PPARD: variants seen among roughly 807,000 people sequenced by gnomAD.
The protein encoded by PPARD is peroxisome proliferator-activated receptor delta.
A neutral mutation model predicts 39.5 loss-of-function variants in PPARD; 6 were observed. That is an observed-to-expected ratio of 0.15 (90% CI 0.08 to 0.30). The LOEUF is 0.30. Among genes scored for constraint, PPARD ranks in the 10% least tolerant of loss-of-function variants. The pLI is 1.00. For missense variants in PPARD, 397 were observed against 596.8 expected, an observed-to-expected ratio of 0.67 and a Z score of 3.49; for synonymous variants, 210 against 231.3, an observed-to-expected ratio of 0.91 and a Z score of 0.83.
intron 2 of PPARD, among the ~76,000 whole-genome samples, chr6:35,362,110 C>T (rs1237952503): frequency 2.6e-5 from 4 of 151,436 alleles, no homozygotes; most frequent in African/African-American, 9.7e-5. Flanking sequence ...ATTTTTTTTT[C>T]TTACCTAGGT....
intron 2 of PPARD, among the ~76,000 whole-genome samples, chr6:35,347,993 C>T (rs186552053): frequency 5.3e-4 from 80 of 151,758 alleles, no homozygotes; most frequent in African/African-American, 1.6e-3. Flanking sequence ...CTGCAACCTC[C>T]GCCTCTTAGG....
chr6:35,370,160 G>C (rs1004151397), intron 2 of PPARD, among the ~76,000 whole-genome samples: 1 of 152,130 alleles, frequency 6.6e-6, no homozygotes, highest in Non-Finnish European at 1.5e-5. Flanking sequence ...GTTAGTTTGG[G>C]AATTGATGCT....
chr6:35,379,665 G>T (rs1763028327), intron 2 of PPARD, among the ~76,000 whole-genome samples: 1 of 152,220 alleles, frequency 6.6e-6, no homozygotes, highest in Non-Finnish European at 1.5e-5. Flanking sequence ...ATGCAAGTGT[G>T]TCCCTTTGAC....
rs7771222 is a variant in PPARD, at chr6:35,352,331, G to A, written c.-102+5181G>A. On this transcript the variant is annotated intron_variant, in intron 2 of 7. Transcript: ENST00000360694. ...CCCAAGTAGCTGGGACCACAGGCGCGCACCCCAATGCCCGGCTAATTTTTG... is the reference window on the plus strand; with the variant it reads ...CCCAAGTAGCTGGGACCACAGGCGCACACCCCAATGCCCGGCTAATTTTTG... Among the ~76,000 whole-genome samples, 1,456 of 152,012 alleles carry A rather than the reference G, an allele frequency of 9.6e-3. 14 individuals carry two copies. Among genetic ancestry groups the A allele is most frequent in the African/African-American group, 0.019 (781 of 41,440 alleles).
chr6:35,347,685 T>G (rs893480799), intron 2 of PPARD, among the ~76,000 whole-genome samples: 22 of 152,196 alleles, frequency 1.4e-4, no homozygotes, highest in African/African-American at 5.3e-4. Context: ...CTTGGCTCAC[T>G]GCCACCTCCT....
At position 35,379,084 on chromosome 6, in the gene PPARD, C is replaced by T. The variant is rs1268205958; in HGVS notation, c.-101-31903C>T. On this transcript the variant is annotated intron_variant, in intron 2 of 7. Coordinates refer to ENST00000360694, the MANE Select transcript of PPARD (RefSeq NM_006238.5). Reference sequence around the variant, plus strand: ...GCACAGGGTTAGGGCTTGGAGTAGGCGTCTTTTCTTTCTTTTTTTTTTTTT... The same window carrying T: ...GCACAGGGTTAGGGCTTGGAGTAGGTGTCTTTTCTTTCTTTTTTTTTTTTT... Among the ~76,000 whole-genome samples, 6 of 150,128 alleles carry T rather than the reference C, an allele frequency of 4.0e-5. 1 individual carries two copies. Among genetic ancestry groups the T allele is most frequent in the South Asian group, 4.2e-4 (2 of 4,760 alleles).
intron 1 of PPARD, among the ~76,000 whole-genome samples, chr6:35,344,413 C>T (rs764392390): frequency 1.3e-5 from 2 of 151,926 alleles, no homozygotes; most frequent in African/African-American, 2.4e-5. Context: ...TCACATAGAT[C>T]ATCTTCTCTG....
intron 2 of PPARD, among the ~76,000 whole-genome samples, chr6:35,383,098 C>G (rs1307872668): frequency 6.6e-6 from 1 of 151,970 alleles, no homozygotes; most frequent in Non-Finnish European, 1.5e-5. Flanking sequence ...AGAGGCAGAT[C>G]TAGGTGAGGA....
chr6:35,378,306 G>A (rs1452862944), intron 2 of PPARD, among the ~76,000 whole-genome samples: 1 of 152,190 alleles, frequency 6.6e-6, no homozygotes, highest in African/African-American at 2.4e-5. Context: ...CTCTGGCTGA[G>A]TAGAGGCAAG....
chr6:35,386,804 C>G (rs1157361146), intron 2 of PPARD, among the ~76,000 whole-genome samples: 5 of 152,070 alleles, frequency 3.3e-5, no homozygotes, highest in Admixed American at 1.3e-4. Context: ...TAGTCTTTCT[C>G]CTACCATTTC....
At chr6:35,393,853 G>T (rs1764157444) in intron 2 of PPARD, among the ~76,000 whole-genome samples, 3 of 152,128 alleles carry the variant, frequency 2.0e-5, no homozygotes, top group Admixed American at 2.0e-4. Context: ...CAACCAGCTA[G>T]GCATGCACTT....
At chr6:35,374,796 C>A (rs1762712927) in intron 2 of PPARD, among the ~76,000 whole-genome samples, 1 of 152,154 alleles carries the variant, frequency 6.6e-6, no homozygotes, top group Non-Finnish European at 1.5e-5. Flanking sequence ...GTGATTCTTA[C>A]ATTTTCCTGC....
intron 2 of PPARD, among the ~76,000 whole-genome samples, chr6:35,379,305 T>C (rs765264471): frequency 2.0e-5 from 3 of 152,060 alleles, no homozygotes; most frequent in African/African-American, 4.8e-5. Flanking sequence ...GGTTTTACCA[T>C]GTTGCCCAGG....
At chr6:35,383,830 C>T (rs1307005717) in intron 2 of PPARD, among the ~76,000 whole-genome samples, 14 of 146,216 alleles carry the variant, frequency 9.6e-5, no homozygotes, top group Admixed American at 8.0e-4. Flanking sequence ...ACCCTCCACC[C>T]GGCAGCTGCC....
At position 35,415,660 on chromosome 6, in the gene PPARD, A is replaced by C. The variant is rs185262171; in HGVS notation, c.130+4443A>C. Among the ~76,000 whole-genome samples, 13 of 152,280 alleles carry C rather than the reference A, an allele frequency of 8.5e-5. No homozygotes were observed. In the South Asian group the frequency reaches 2.3e-3, roughly 27 times the overall value. ...TATTGATTAGCGGTACTGAACATGT[A>C]GGTATGCGTAGTAGTGAGATGCCGA... On this transcript the variant is annotated intron_variant, in intron 3 of 7. Coordinates refer to ENST00000360694, the MANE Select transcript of PPARD (RefSeq NM_006238.5).
intron 2 of PPARD, among the ~76,000 whole-genome samples, chr6:35,355,598 CTTTTTTTTTTTTTTTTTTT>C (rs1166499750): frequency 3.0e-5 from 1 of 33,462 alleles, no homozygotes; most frequent in African/African-American, 1.9e-4. Context: ...TCTTCTTCTT[CTTTTTTTTTTTTTTTTTTT>C]TTTTTTTTTT....
At chr6:35,386,556 T>C (rs1276490358) in intron 2 of PPARD, among the ~76,000 whole-genome samples, 2 of 152,210 alleles carry the variant, frequency 1.3e-5, no homozygotes, top group South Asian at 2.1e-4. Flanking sequence ...TTGGGGAATA[T>C]TGGAGATGAC....
rs1360137952 is a variant in PPARD, at chr6:35,426,049, G to C, written c.1296G>C (p.Leu432=). ...AAACCGAGACCTCGCTGCACCCTCT[G>C]CTCCAGGAGATCTACAAGGACATGT... ...KTETETSLHP[L]LQEIYKDMY Residue 432 remains leucine (L), a synonymous_variant, in exon 8 of 8, where the codon CTG becomes CTC. Transcript: ENST00000360694. 4.3e-6 allele frequency: 7 copies of C among 1,613,266 alleles called. No homozygotes were observed. The East Asian group carries it at 1.3e-4, about 31-fold the overall frequency.
intron 2 of PPARD, among the ~76,000 whole-genome samples, chr6:35,370,098 A>T: frequency 6.6e-6 from 1 of 152,180 alleles, no homozygotes; most frequent in Non-Finnish European, 1.5e-5. Flanking sequence ...GTTAATTTGT[A>T]CAGGAAGTCC....
Sources: gnomAD v4.1 joint callset for allele counts (sites outside exome capture counted in the v4.1 genomes callset) on GRCh38, gnomAD v4.1.1 for gene constraint, MANE v1.5 for transcripts, NCBI Gene and HGNC (gene_info 2026-07-23, HGNC 2026-07-21) for gene names.